The following UNC13C variants were observed in gnomAD, a reference collection of about 807,000 sequenced individuals.
UNC13C encodes protein unc-13 homolog C.
A neutral mutation model predicts 245.4 loss-of-function variants in UNC13C; 174 were observed. The ratio of observed to expected loss-of-function variants is 0.71; its 90% confidence interval spans 0.63 to 0.80. The LOEUF (loss-of-function observed/expected upper bound fraction) is 0.80, where lower values mean the gene tolerates loss of function less well. Ranked by LOEUF, UNC13C falls within the 30% of genes least tolerant of loss-of-function variation. The pLI, the probability that UNC13C is intolerant of heterozygous loss-of-function variation, is 0.00. For missense variants in UNC13C, 2,829 were observed against 2,602.9 expected (o/e 1.09, Z -1.89); for synonymous variants, 992 against 895.1 (o/e 1.11, Z -1.93).
intron 19 of UNC13C, among the ~76,000 whole-genome samples, chr15:54,451,001 G>T (rs964453131): frequency 2.0e-5 from 3 of 152,114 alleles, no homozygotes; most frequent in Admixed American, 2.0e-4. Context: ...TAACTTTACT[G>T]TGTATAGTAT....
intron 12 of UNC13C, among the ~76,000 whole-genome samples, chr15:54,298,471 C>A (rs2037493319): frequency 6.6e-6 from 1 of 152,104 alleles, no homozygotes; most frequent in African/African-American, 2.4e-5. Context: ...CTTCCTGTTT[C>A]TGAGTACAAC....
chr15:54,127,677 C>T lies in UNC13C; in HGVS notation c.2984-15341C>T, dbSNP rs199932838. Among the ~76,000 whole-genome samples, 16 of 149,182 alleles carry T rather than the reference C, an allele frequency of 1.1e-4. No individual in the cohort carries two copies. In the East Asian group the frequency reaches 3.1e-3, roughly 29 times the overall value. On this transcript the variant is annotated intron_variant, in intron 2 of 32. Transcript: ENST00000260323. Reference sequence around the variant, plus strand: ...CTATGTAACAAACCTGCACATTCTGCACATGTATCCCAGAACTTCAAGTGT... The same window carrying T: ...CTATGTAACAAACCTGCACATTCTGTACATGTATCCCAGAACTTCAAGTGT...
At chr15:54,052,598 A>G (rs2141056787) in intron 2 of UNC13C, among the ~76,000 whole-genome samples, 1 of 152,352 alleles carries the variant, frequency 6.6e-6, no homozygotes, top group South Asian at 2.1e-4. Context: ...ATGATAAATG[A>G]CATGTTTATG....
At chr15:54,225,167 TGTC>T (rs1305429403) in intron 4 of UNC13C, among the ~76,000 whole-genome samples, 14 of 122,414 alleles carry the variant, frequency 1.1e-4, no homozygotes, top group East Asian at 9.1e-4. Context: ...CTGAGTTCTC[TGTC>T]TTTTTTTTTT....
At chr15:54,553,904 C>A (rs1270325082) in intron 28 of UNC13C, among the ~76,000 whole-genome samples, 1 of 151,652 alleles carries the variant, frequency 6.6e-6, no homozygotes, top group African/African-American at 2.4e-5. Flanking sequence ...AGCATTTTCC[C>A]CTATAATTCA....
At chr15:54,508,449 A>T (rs1342361086) in intron 23 of UNC13C, among the ~76,000 whole-genome samples, 1 of 152,150 alleles carries the variant, frequency 6.6e-6, no homozygotes, top group African/African-American at 2.4e-5. Flanking sequence ...GATAAAAATC[A>T]TAACCCAGTA....
intron 1 of UNC13C, among the ~76,000 whole-genome samples, chr15:53,991,888 G>A (rs977120636): frequency 6.6e-6 from 1 of 151,982 alleles, no homozygotes; most frequent in Non-Finnish European, 1.5e-5. Flanking sequence ...ACTCAACAAT[G>A]TTGTTCAGAA....
chr15:53,838,869 A>C, the UNC13C span, among the ~76,000 whole-genome samples: 1 of 152,034 alleles, frequency 6.6e-6, no homozygotes, highest in African/African-American at 2.4e-5. Context: ...GAGTTGGTTA[A>C]AATTTATTTA....
At chr15:54,050,010 C>T (rs912859099) in intron 2 of UNC13C, 1 of 231,948 alleles carries the variant, frequency 4.3e-6, no homozygotes, top group African/African-American at 2.3e-5. Context: ...CACTCTGTCT[C>T]CCAGGCAAGA....
chr15:54,278,738 G>T (rs2036899984), intron 10 of UNC13C, among the ~76,000 whole-genome samples: 1 of 151,958 alleles, frequency 6.6e-6, no homozygotes, highest in Admixed American at 6.5e-5. Flanking sequence ...ATGCAGAACT[G>T]GTCATTACAC....
the UNC13C span, among the ~76,000 whole-genome samples, chr15:53,930,371 G>C: frequency 6.6e-6 from 1 of 152,286 alleles, no homozygotes; most frequent in African/African-American, 2.4e-5. Flanking sequence ...ATTCAAAGGA[G>C]GGGAAATAAT....
At chr15:53,979,461 T>C (rs1893836968) in intron 1 of UNC13C, among the ~76,000 whole-genome samples, 1 of 133,704 alleles carries the variant, frequency 7.5e-6, no homozygotes, top group Admixed American at 9.0e-5. Context: ...GCAGATTTAC[T>C]TTCAAGAGAT....
chr15:54,120,803 A>G (rs148856611), intron 2 of UNC13C, among the ~76,000 whole-genome samples: 124 of 152,172 alleles, frequency 8.1e-4, no homozygotes, highest in African/African-American at 2.9e-3. Context: ...GGGGTTCAAG[A>G]CTTCAGTGAA....
chr15:54,278,758 A>G (rs1004069938), intron 10 of UNC13C, among the ~76,000 whole-genome samples: 3 of 152,144 alleles, frequency 2.0e-5, no homozygotes, highest in Non-Finnish European at 4.4e-5. Flanking sequence ...CAATCGAGCC[A>G]TGTGAAATTC....
chr15:54,446,948 A>G (rs1890850172), intron 19 of UNC13C, among the ~76,000 whole-genome samples: 1 of 152,130 alleles, frequency 6.6e-6, no homozygotes, highest in Admixed American at 6.5e-5. Flanking sequence ...AGCACTTATT[A>G]TTTTGAGATA....
chr15:54,150,844 A>G (rs2032483046), intron 4 of UNC13C, among the ~76,000 whole-genome samples: 1 of 152,224 alleles, frequency 6.6e-6, no homozygotes, highest in South Asian at 2.1e-4. Context: ...TATATTCCCA[A>G]CCAGGCTTAG....
chr15:54,389,084 A>G (rs1440960426), intron 17 of UNC13C, among the ~76,000 whole-genome samples: 1 of 152,148 alleles, frequency 6.6e-6, no homozygotes, highest in Admixed American at 6.5e-5. Context: ...ACTCCCTGAC[A>G]TGACACACAA....
chr15:54,211,611 G>C (rs765681791), intron 4 of UNC13C, among the ~76,000 whole-genome samples: 1 of 152,044 alleles, frequency 6.6e-6, no homozygotes, highest in African/African-American at 2.4e-5. Context: ...GTGCACCACT[G>C]GTTGTGGTGT....
At chr15:53,884,618 A>C in the UNC13C span, among the ~76,000 whole-genome samples, 2 of 152,138 alleles carry the variant, frequency 1.3e-5, no homozygotes, top group Non-Finnish European at 2.9e-5. Context: ...TACAGGTATG[A>C]GTCATCGCAC....
Sources: allele counts gnomAD v4.1 joint callset (sites outside exome capture counted in the v4.1 genomes callset), GRCh38; gene constraint gnomAD v4.1.1; transcripts MANE v1.5; gene names NCBI Gene and HGNC (gene_info 2026-07-23, HGNC 2026-07-21).